Variants in ERGIC2 observed in about 807,000 individuals in gnomAD.
ERGIC2 encodes endoplasmic reticulum-Golgi intermediate compartment protein 2.
ERGIC2 carries 31 observed loss-of-function variants against 52.5 expected under a neutral mutation model. The observed-to-expected ratio is 0.59, with a 90% confidence interval of 0.44 to 0.80. ERGIC2 has a LOEUF of 0.80. ERGIC2 is among the 30% of genes least tolerant of loss of function. The pLI, the probability that ERGIC2 is intolerant of heterozygous loss-of-function variation, is 0.00. For missense variants in ERGIC2, 395 were observed against 455.2 expected (o/e 0.87, Z 1.20); for synonymous variants, 129 against 140.6 (o/e 0.92, Z 0.58).
chr12:29,344,608 A>G (rs1940016379), intron 11 of ERGIC2, among the ~76,000 whole-genome samples: 1 of 152,168 alleles, frequency 6.6e-6, no homozygotes, highest in South Asian at 2.1e-4. Context: ...AAGCCAAGTG[A>G]AAAGCTATAG....
chr12:29,351,304 A>G (rs115475183), intron 8 of ERGIC2, among the ~76,000 whole-genome samples: 97 of 152,282 alleles, frequency 6.4e-4, no homozygotes, highest in African/African-American at 2.3e-3. Flanking sequence ...AATGCATTCA[A>G]GTAAGCCTTT....
At chr12:29,348,510 G>T (rs1032542741) in intron 10 of ERGIC2, among the ~76,000 whole-genome samples, 5 of 151,888 alleles carry the variant, frequency 3.3e-5, no homozygotes, top group African/African-American at 4.8e-5. Context: ...TCCATATTTG[G>T]ATAGACTTGA....
chr12:29,360,168 T>G (rs1565540606), intron 6 of ERGIC2, among the ~76,000 whole-genome samples: 1 of 151,930 alleles, frequency 6.6e-6, no homozygotes, highest in Non-Finnish European at 1.5e-5. Flanking sequence ...AAATAATAAT[T>G]TGGGAGGATA....
At chr12:29,374,926 C>T (rs1940494442) in intron 1 of ERGIC2, among the ~76,000 whole-genome samples, 2 of 152,070 alleles carry the variant, frequency 1.3e-5, no homozygotes, top group Non-Finnish European at 2.9e-5. Flanking sequence ...TGTAAAACTT[C>T]CCTTCCCACT....
At chr12:29,373,800 G>C (rs1358972156) in intron 1 of ERGIC2, among the ~76,000 whole-genome samples, 1 of 152,082 alleles carries the variant, frequency 6.6e-6, no homozygotes, top group Non-Finnish European at 1.5e-5. Flanking sequence ...AGACAAAACA[G>C]ATGACAGTTT....
At chr12:29,376,550 T>G (rs1940517421) in intron 1 of ERGIC2, among the ~76,000 whole-genome samples, 3 of 152,186 alleles carry the variant, frequency 2.0e-5, no homozygotes, top group Admixed American at 2.0e-4. Context: ...AAGCCACCCA[T>G]GAGCAAGGTC....
At position 29,338,739 on chromosome 12, in the gene ERGIC2, T is replaced by C. The variant is rs1949815920; in HGVS notation, c.*2417A>G. On this transcript the variant is annotated 3_prime_UTR_variant, in exon 14 of 14. Transcript: ENST00000360150. ...TACAAATACTGCAGCAGGGAATTAT[T>C]CACCTAAATATTTAATCTTCTTTAT... is the stretch of plus-strand genomic sequence containing the variant. The C allele has an allele frequency of 6.6e-6, 1 of 152,194 alleles. No individual in the cohort carries two copies. The highest frequency in any genetic ancestry group is 2.4e-5 in the African/African-American group (1 of 41,452). 9.4% of individuals were successfully genotyped at this position (152,194 alleles called of 1,614,324 possible).
intron 5 of ERGIC2, among the ~76,000 whole-genome samples, chr12:29,365,124 T>C (rs908315199): frequency 6.6e-6 from 1 of 151,818 alleles, no homozygotes; most frequent in African/African-American, 2.4e-5. Flanking sequence ...CAAAGGAAAA[T>C]AAATCATTGT....
At chr12:29,356,085 G>A (rs1041362174) in intron 8 of ERGIC2, among the ~76,000 whole-genome samples, 3 of 151,840 alleles carry the variant, frequency 2.0e-5, no homozygotes, top group East Asian at 1.9e-4. Flanking sequence ...GCAGTGGCGC[G>A]ATCTCGGCTC....
At chr12:29,343,573 T>A (rs1949855037) in intron 11 of ERGIC2, among the ~76,000 whole-genome samples, 1 of 152,184 alleles carries the variant, frequency 6.6e-6, no homozygotes, top group South Asian at 2.1e-4. Context: ...AGCTTACAAA[T>A]ATGTATGGCA....
rs777673025 is a variant in ERGIC2, at chr12:29,364,467, A to G, written c.333+2410T>C. Reference sequence around the variant, plus strand: ...ATACAAAAATTAACTCAAGATGGGTAAAGATTTAAATGACCTTAAACTATA... The same window carrying G: ...ATACAAAAATTAACTCAAGATGGGTGAAGATTTAAATGACCTTAAACTATA... On this transcript the variant is annotated intron_variant, in intron 5 of 13. Transcript: ENST00000360150. 1.1e-4 allele frequency among the ~76,000 whole-genome samples: 17 copies of G among 152,218 alleles called. No homozygotes were observed. The South Asian group carries it at 1.9e-3, about 17-fold the overall frequency.
At chr12:29,371,414 T>A (rs1318778762) in intron 2 of ERGIC2, 114 bp downstream of exon 2, 3 of 657,198 alleles carry the variant, frequency 4.6e-6, no homozygotes, top group Non-Finnish European at 7.6e-6. Context: ...GTTACGAAGT[T>A]ACGGCAGAAT....
chr12:29,369,952 G>T (rs1229842317), intron 3 of ERGIC2, among the ~76,000 whole-genome samples, 162 bp downstream of exon 3: 4 of 151,892 alleles, frequency 2.6e-5, no homozygotes, highest in Non-Finnish European at 4.4e-5. Context: ...ATTCTAAAAG[G>T]TTTCACTTAA....
rs1470690567 is a variant in ERGIC2 at position 29,339,107 on chromosome 12, G to C, written c.*2049C>G. 6.6e-6 allele frequency: 1 copy of C among 152,110 alleles called. No homozygotes were observed. The highest frequency in any genetic ancestry group is 1.5e-5 in the Non-Finnish European group (1 of 68,026). The allele number at this position is 152,110 out of a possible 1,614,324, so 9.4% of individuals were successfully genotyped here. A position where few individuals can be genotyped will look rare whatever the true frequency, so the allele number is the denominator to read the frequency against. On this transcript the variant is annotated 3_prime_UTR_variant, in exon 14 of 14. Transcript: ENST00000360150. Reference sequence around the variant, plus strand: ...CATTGCCAAAAATCTGACTCTATTTGAGGAGTTTCAGATGGAAGCCTTTAA... The same window carrying C: ...CATTGCCAAAAATCTGACTCTATTTCAGGAGTTTCAGATGGAAGCCTTTAA...
chr12:29,370,108 G>C lies in ERGIC2; in HGVS notation c.215+6C>G. 3 of 1,492,564 alleles carry C rather than the reference G, an allele frequency of 2.0e-6. No individual in the cohort carries two copies. In the South Asian group the frequency reaches 4.3e-5, roughly 21 times the overall value. The allele number at this position is 1,492,564 out of a possible 1,614,324, so 92.5% of individuals were successfully genotyped here. A position where few individuals can be genotyped will look rare whatever the true frequency, so the allele number is the denominator to read the frequency against. On this transcript the variant is annotated splice_donor_region_variant and intron_variant, in intron 3 of 13. Transcript: ENST00000360150. ...AAGGTATTCCAAGAAGAAAAAAAAT[G>C]ATTACCTAGAAAAATCCTTGTCTAC...
rs1408678460 is a variant in ERGIC2 at position 29,340,916 on chromosome 12, A to G, written c.*240T>C. On this transcript the variant is annotated 3_prime_UTR_variant, in exon 14 of 14. Transcript: ENST00000360150. ...ATAAGAAGGCGTCATCTTCAAAGCA[A>G]CACTCCAGTTGGGCTTCTTCATCGT... 1.9e-6 allele frequency: 1 copy of G among 537,584 alleles called. No homozygotes were observed. The highest frequency in any genetic ancestry group is 3.4e-5 in the Admixed American group (1 of 29,396). 33.3% of individuals were successfully genotyped at this position (537,584 alleles called of 1,614,324 possible). A position where few individuals can be genotyped will look rare whatever the true frequency, so the allele number is the denominator to read the frequency against.
chr12:29,380,208 T>C (rs1174075090), intron 1 of ERGIC2, among the ~76,000 whole-genome samples: 3 of 152,096 alleles, frequency 2.0e-5, no homozygotes, highest in Non-Finnish European at 4.4e-5. Flanking sequence ...ATTAGGTAAA[T>C]AACCATGTCT....
chr12:29,361,628 C>T lies in ERGIC2; in HGVS notation c.374+17G>A. 1 of 1,591,850 alleles carries T rather than the reference C, an allele frequency of 6.3e-7. No homozygotes were observed. The highest frequency in any genetic ancestry group is 8.6e-7 in the Non-Finnish European group (1 of 1,166,950). ...ACTTAGATTTCTATGGACCACAATA[C>T]TTTGTTCTCTTATTACCTCTGCCAC... On this transcript the variant is annotated intron_variant, in intron 6 of 13. Coordinates refer to ENST00000360150, the MANE Select transcript of ERGIC2 (RefSeq NM_016570.3).
At chr12:29,355,586 C>A (rs1290726702) in intron 8 of ERGIC2, among the ~76,000 whole-genome samples, 2 of 152,108 alleles carry the variant, frequency 1.3e-5, no homozygotes, top group Non-Finnish European at 2.9e-5. Context: ...CTGAGTGCTG[C>A]TCATATTTTT....
Sources: allele counts gnomAD v4.1 joint callset (sites outside exome capture counted in the v4.1 genomes callset), GRCh38; gene constraint gnomAD v4.1.1; transcripts MANE v1.5; gene names NCBI Gene and HGNC (gene_info 2026-07-23, HGNC 2026-07-21).